GPC6: variants seen among roughly 807,000 people sequenced by gnomAD.
GPC6 encodes glypican-6.
Under a neutral mutation model 55.2 loss-of-function variants are expected in GPC6, and 14 were observed. That is an observed-to-expected ratio of 0.25 (90% CI 0.17 to 0.40). The LOEUF (loss-of-function observed/expected upper bound fraction) is 0.40. GPC6 is among the 10% of genes least tolerant of loss of function. The pLI is 1.00. For missense variants in GPC6, 641 were observed against 708.5 expected (o/e 0.90, Z 1.08); for synonymous variants, 278 against 259.6 (o/e 1.07, Z -0.68).
intron 4 of GPC6, among the ~76,000 whole-genome samples, chr13:94,072,184 T>G (rs1458719570): frequency 6.6e-6 from 1 of 152,254 alleles, no homozygotes; most frequent in Non-Finnish European, 1.5e-5. Context: ...ACTGATAGTT[T>G]ACATGTATCT....
rs1383249905 is a variant in GPC6, at chr13:93,327,758, A to AT, written c.160+100143dup. Among the ~76,000 whole-genome samples the AT allele has an allele frequency of 6.9e-4, 102 of 147,016 alleles. 3 individuals carry two copies. The highest frequency in any genetic ancestry group is 4.0e-4 in the Admixed American group (6 of 14,848). ...GAAGTGCTTCAAATTAAAATTATAT[A>AT]TAATATATATATATGTATTAAACGG... On this transcript the variant is annotated intron_variant, in intron 1 of 8. Coordinates refer to ENST00000377047, the MANE Select transcript of GPC6 (RefSeq NM_005708.5).
intron 1 of GPC6, among the ~76,000 whole-genome samples, chr13:93,418,299 TTTAG>T (rs1876779134): frequency 1.3e-5 from 2 of 151,632 alleles, no homozygotes; most frequent in Non-Finnish European, 2.9e-5. Flanking sequence ...ATTATATACT[TTTAG>T]TTATTTTAAA....
intron 2 of GPC6, among the ~76,000 whole-genome samples, chr13:93,557,428 G>A (rs935586881): frequency 2.0e-5 from 3 of 152,168 alleles, no homozygotes; most frequent in African/African-American, 2.4e-5. Flanking sequence ...AAGTACTTAC[G>A]TAAATTCTTC....
rs768601581 is a variant in GPC6, at chr13:93,368,337, T to TTTCCTTCCTTCCTTCC, written c.160+140758_160+140773dup. ...CTTCCCTCCTTCCCTCCCTCCCTGC[T>TTTCCTTCCTTCCTTCC]TTCCTTCCTTCCTTCCTTCCTTCCT... On this transcript the variant is annotated intron_variant, in intron 1 of 8. Coordinates refer to ENST00000377047, the MANE Select transcript of GPC6 (RefSeq NM_005708.5). Among the ~76,000 whole-genome samples, 206 of 92,550 alleles carry TTTCCTTCCTTCCTTCC rather than the reference T, an allele frequency of 2.2e-3. 4 individuals carry two copies. The highest frequency in any genetic ancestry group is 8.3e-3 in the African/African-American group (181 of 21,860). The allele number at this position is 92,550 out of a possible 152,430, so 60.7% of individuals were successfully genotyped here. A position where few individuals can be genotyped will look rare whatever the true frequency, so the allele number is the denominator to read the frequency against.
chr13:94,206,170 T>G (rs1228498288), intron 4 of GPC6, among the ~76,000 whole-genome samples: 1 of 152,202 alleles, frequency 6.6e-6, no homozygotes, highest in East Asian at 1.9e-4. Context: ...AATGGGAAAC[T>G]GAATCATACA....
intron 1 of GPC6, among the ~76,000 whole-genome samples, chr13:93,355,976 C>G (rs1566314379): frequency 6.6e-6 from 1 of 152,010 alleles, no homozygotes; most frequent in East Asian, 1.9e-4. Flanking sequence ...ACAGGGAACT[C>G]AGAGAATGGT....
intron 3 of GPC6, among the ~76,000 whole-genome samples, chr13:94,024,574 C>T (rs1368692869): frequency 6.6e-6 from 1 of 151,982 alleles, no homozygotes; most frequent in Non-Finnish European, 1.5e-5. Flanking sequence ...CTTCAACTGC[C>T]CTTTATTTGA....
intron 3 of GPC6, among the ~76,000 whole-genome samples, chr13:93,897,095 A>C (rs568537722): frequency 6.6e-6 from 1 of 151,802 alleles, no homozygotes; most frequent in Admixed American, 6.6e-5. Context: ...TAAAAAAAGC[A>C]TACATAGGAG....
At chr13:93,759,051 A>G (rs1270495361) in intron 2 of GPC6, among the ~76,000 whole-genome samples, 1 of 152,040 alleles carries the variant, frequency 6.6e-6, no homozygotes, top group Non-Finnish European at 1.5e-5. Context: ...TGAATTTAAC[A>G]GGCCCCCTTC....
At chr13:93,999,771 A>G (rs1281779219) in intron 3 of GPC6, among the ~76,000 whole-genome samples, 1 of 152,216 alleles carries the variant, frequency 6.6e-6, no homozygotes, top group African/African-American at 2.4e-5. Flanking sequence ...TTTAATCACC[A>G]TAATTCCTCT....
chr13:93,341,601 T>C (rs114688880), intron 1 of GPC6, among the ~76,000 whole-genome samples: 2,435 of 152,312 alleles, frequency 0.016, 55 homozygotes, highest in African/African-American at 0.052. Context: ...TTATTTGTTT[T>C]ATTCTTGCTG....
rs556362611 is a variant in GPC6, at chr13:93,625,428, GGA to G, written c.319+80008_319+80009del. On this transcript the variant is annotated intron_variant, in intron 2 of 8. Coordinates refer to ENST00000377047, the MANE Select transcript of GPC6 (RefSeq NM_005708.5). ...CAGACTCTAAAATCCTGCTGGACTGGGAAGCTGTGTGCTACCGGTGAGATCCT... is the reference window on the plus strand; with the variant it reads ...CAGACTCTAAAATCCTGCTGGACTGGAGCTGTGTGCTACCGGTGAGATCCT... 4.6e-5 allele frequency among the ~76,000 whole-genome samples: 7 copies of G among 152,264 alleles called. No individual in the cohort carries two copies. In the South Asian group the frequency reaches 1.5e-3, roughly 32 times the overall value.
At chr13:93,944,756 A>G (rs1270443938) in intron 3 of GPC6, among the ~76,000 whole-genome samples, 2 of 152,162 alleles carry the variant, frequency 1.3e-5, no homozygotes, top group Non-Finnish European at 2.9e-5. Context: ...AATTCTTTGC[A>G]CATTTGATTA....
At chr13:94,074,065 T>C (rs559034034) in intron 4 of GPC6, among the ~76,000 whole-genome samples, 3 of 152,280 alleles carry the variant, frequency 2.0e-5, no homozygotes, top group Non-Finnish European at 2.9e-5. Context: ...TAGAGAACCA[T>C]AGATTAGCTG....
At chr13:94,023,445 C>T (rs1882777691) in intron 3 of GPC6, among the ~76,000 whole-genome samples, 1 of 151,840 alleles carries the variant, frequency 6.6e-6, no homozygotes, top group African/African-American at 2.4e-5. Context: ...ATGATACACC[C>T]ATGGAAAGGC....
chr13:93,522,809 C>A (rs1478294622), intron 1 of GPC6, among the ~76,000 whole-genome samples: 1 of 151,830 alleles, frequency 6.6e-6, no homozygotes, highest in Non-Finnish European at 1.5e-5. Flanking sequence ...GGAAGCAAGT[C>A]TTTTCTTTGC....
At chr13:93,681,950 C>CT (rs999846438) in intron 2 of GPC6, among the ~76,000 whole-genome samples, 2 of 152,056 alleles carry the variant, frequency 1.3e-5, no homozygotes, top group East Asian at 3.9e-4. Context: ...TTTTAGTACC[C>CT]TTTTTTTGAC....
At chr13:94,055,123 G>C (rs192382256) in intron 4 of GPC6, among the ~76,000 whole-genome samples, 1 of 152,220 alleles carries the variant, frequency 6.6e-6, no homozygotes, top group Non-Finnish European at 1.5e-5. Context: ...CTGGTCTTCA[G>C]ATTGTTGACT....
At chr13:93,365,608 C>A (rs1881217907) in intron 1 of GPC6, among the ~76,000 whole-genome samples, 3 of 151,954 alleles carry the variant, frequency 2.0e-5, no homozygotes. Flanking sequence ...ATGTAAATAC[C>A]CTCACCATAT....
Sources: gnomAD v4.1 joint callset for allele counts (sites outside exome capture counted in the v4.1 genomes callset) on GRCh38, gnomAD v4.1.1 for gene constraint, MANE v1.5 for transcripts, NCBI Gene and HGNC (gene_info 2026-07-23, HGNC 2026-07-21) for gene names.